The following IGF1R variants were observed in gnomAD, a reference collection of about 807,000 sequenced individuals.
The protein encoded by IGF1R is insulin-like growth factor 1 receptor.
Under a neutral mutation model 144.6 loss-of-function variants are expected in IGF1R, and 44 were observed. That is an observed-to-expected ratio of 0.30 (90% CI 0.24 to 0.39). IGF1R has a LOEUF of 0.39. IGF1R is among the 10% of genes least tolerant of loss of function. The pLI is 1.00. For missense variants in IGF1R, 1,355 were observed against 1,833.7 expected (o/e 0.74, Z 4.77); for synonymous variants, 795 against 722.8 (o/e 1.10, Z -1.60).
At position 98,703,884 on chromosome 15, in the gene IGF1R, C is replaced by T. The variant is rs143148389; in HGVS notation, c.95-3678C>T. ...AAATAACAAGTAAATAGATGCCTAACGCTTTATACAGGTTGAGCCTGTCTA... is the reference window on the plus strand; with the variant it reads ...AAATAACAAGTAAATAGATGCCTAATGCTTTATACAGGTTGAGCCTGTCTA... On this transcript the variant is annotated intron_variant, in intron 1 of 20. Coordinates refer to ENST00000650285, the MANE Select transcript of IGF1R (RefSeq NM_000875.5). Among the ~76,000 whole-genome samples, 136 of 152,292 alleles carry T rather than the reference C, an allele frequency of 8.9e-4. 1 individual carries two copies. The East Asian group carries it at 0.02, about 23-fold the overall frequency.
At chr15:98,810,150 C>A (rs527677931) in intron 2 of IGF1R, among the ~76,000 whole-genome samples, 1 of 47,442 alleles carries the variant, frequency 2.1e-5, no homozygotes, top group Non-Finnish European at 4.0e-5. Flanking sequence ...GGGTGGCTGG[C>A]GGAGGGGGTG....
At chr15:98,781,916 T>C (rs965461461) in intron 2 of IGF1R, among the ~76,000 whole-genome samples, 1 of 152,210 alleles carries the variant, frequency 6.6e-6, no homozygotes, top group African/African-American at 2.4e-5. Flanking sequence ...TCTTGAACTC[T>C]GAAATCCTCT....
intron 2 of IGF1R, among the ~76,000 whole-genome samples, chr15:98,746,590 A>ACT (rs2054872334): frequency 6.6e-6 from 1 of 152,198 alleles, no homozygotes; most frequent in African/African-American, 2.4e-5. Context: ...CATCTACACC[A>ACT]GTGGAGGCAA....
intron 2 of IGF1R, among the ~76,000 whole-genome samples, chr15:98,830,359 A>G (rs74034242): frequency 0.02 from 3,045 of 152,282 alleles, 123 homozygotes; most frequent in African/African-American, 0.07. Context: ...TCTGCCAGAC[A>G]CTGGCACTGG....
At position 98,957,003 on chromosome 15, in the gene IGF1R, C is replaced by T. The variant is rs1243254770; in HGVS notation, c.3723-58C>T. ...AAACCACTGCAGGCGGCCCATGAAG[C>T]CTCCTGGCCATGTGCGCCCTCCCGG... On this transcript the variant is annotated intron_variant, in intron 20 of 20. Coordinates refer to ENST00000650285, the MANE Select transcript of IGF1R (RefSeq NM_000875.5). 5 of 1,602,390 alleles carry T rather than the reference C, an allele frequency of 3.1e-6. No homozygotes were observed. The Admixed American group carries it at 5.0e-5, about 16-fold the overall frequency.
At chr15:98,722,536 C>T (rs1188191507) in intron 2 of IGF1R, among the ~76,000 whole-genome samples, 1 of 152,174 alleles carries the variant, frequency 6.6e-6, no homozygotes, top group Non-Finnish European at 1.5e-5. Context: ...CCCTCTGCCC[C>T]CCACCTCCAT....
intron 1 of IGF1R, among the ~76,000 whole-genome samples, chr15:98,702,650 C>A (rs1187029843): frequency 6.6e-6 from 1 of 152,186 alleles, no homozygotes; most frequent in East Asian, 1.9e-4. Flanking sequence ...TTTAAAATGG[C>A]ATCTTTTGGC....
At position 98,956,618 on chromosome 15, in the gene IGF1R, G is replaced by A. The variant is rs527957535; in HGVS notation, c.3723-443G>A. Among the ~76,000 whole-genome samples, 8 of 152,284 alleles carry A rather than the reference G, an allele frequency of 5.3e-5. No homozygotes were observed. The South Asian group carries it at 6.2e-4, about 12-fold the overall frequency. ...GAGAGAGCACTGTTGGGGAAGCTGC[G>A]GTCACTCATCAGCCTTCCTGGTGAG... is the stretch of plus-strand genomic sequence containing the variant. On this transcript the variant is annotated intron_variant, in intron 20 of 20. Transcript: ENST00000650285.
In IGF1R at chr15:98,791,899, G is replaced by C. The variant is rs74932372; in HGVS notation, c.640+83792G>C. ...GAAAGGGAAGAAATAGAAGAAGGAA[G>C]GAGAGAAGTTGGCAGAGGAGCAATC... On this transcript the variant is annotated intron_variant, in intron 2 of 20. Transcript: ENST00000650285. Among the ~76,000 whole-genome samples, 872 of 152,324 alleles carry C rather than the reference G, an allele frequency of 5.7e-3. 12 individuals carry two copies. The East Asian group carries it at 0.06, about 10-fold the overall frequency.
At chr15:98,863,023 G>C (rs983262052) in intron 2 of IGF1R, among the ~76,000 whole-genome samples, 2 of 152,072 alleles carry the variant, frequency 1.3e-5, no homozygotes, top group Admixed American at 1.3e-4. Flanking sequence ...TTTGGTTCCA[G>C]ATCCAAGAGA....
intron 2 of IGF1R, among the ~76,000 whole-genome samples, chr15:98,725,765 C>T (rs543659889): frequency 1.6e-4 from 25 of 152,214 alleles, no homozygotes; most frequent in Non-Finnish European, 3.4e-4. Flanking sequence ...ACTTACAATT[C>T]CACATGGCTG....
rs952541500 is a variant in IGF1R, at chr15:98,959,971, GTGTGTGTGTGTGTA to G, written c.*2536_*2549del. 2.6e-4 allele frequency: 3 copies of G among 11,508 alleles called. No individual in the cohort carries two copies. The highest frequency in any genetic ancestry group is 3.3e-4 in the African/African-American group (3 of 9,180). The allele number at this position is 11,508 out of a possible 1,614,324, so 0.7% of individuals were successfully genotyped here. A position where few individuals can be genotyped will look rare whatever the true frequency, so the allele number is the denominator to read the frequency against. On this transcript the variant is annotated 3_prime_UTR_variant, in exon 21 of 21. Transcript: ENST00000650285. ...TATGAATTTAAATTTCAAGGAAAGGGTGTGTGTGTGTGTATGTGTGGGGTGTGTGTGTGTGAGAG... is the reference window on the plus strand; with the variant it reads ...TATGAATTTAAATTTCAAGGAAAGGGTGTGTGGGGTGTGTGTGTGTGAGAG...
chr15:98,735,085 G>A (rs1056790103), intron 2 of IGF1R, among the ~76,000 whole-genome samples: 2 of 152,150 alleles, frequency 1.3e-5, no homozygotes, highest in Admixed American at 1.3e-4. Context: ...CACAAGTTCC[G>A]AAGCTGGGGA....
intron 2 of IGF1R, among the ~76,000 whole-genome samples, chr15:98,778,002 T>C (rs998508132): frequency 1.1e-4 from 16 of 152,228 alleles, no homozygotes; most frequent in African/African-American, 3.4e-4. Flanking sequence ...GTTAGATATT[T>C]ATTGAGCACC....
At chr15:98,784,141 A>T (rs2055930400) in intron 2 of IGF1R, among the ~76,000 whole-genome samples, 1 of 151,758 alleles carries the variant, frequency 6.6e-6, no homozygotes, top group African/African-American at 2.4e-5. Flanking sequence ...CACCCGGGTA[A>T]TTTTTGTATT....
At chr15:98,880,705 G>A (rs2013327313) in intron 2 of IGF1R, 1 of 152,176 alleles carries the variant, frequency 6.6e-6, no homozygotes, top group Non-Finnish European at 1.5e-5. Flanking sequence ...TGGTACCATA[G>A]ACAGTTTTCC....
intron 2 of IGF1R, among the ~76,000 whole-genome samples, chr15:98,716,225 TTGAG>T (rs1430564513): frequency 6.6e-6 from 1 of 152,132 alleles, no homozygotes; most frequent in Non-Finnish European, 1.5e-5. Flanking sequence ...AACTCTAAAA[TTGAG>T]TAAGTTACTG....
chr15:98,888,254 G>T (rs1231416186), intron 2 of IGF1R, among the ~76,000 whole-genome samples: 2 of 152,338 alleles, frequency 1.3e-5, no homozygotes, highest in Non-Finnish European at 2.9e-5. Flanking sequence ...ACATTAAATA[G>T]CTGCTAAATG....
chr15:98,868,680 C>G (rs1249226073), intron 2 of IGF1R, among the ~76,000 whole-genome samples: 1 of 152,204 alleles, frequency 6.6e-6, no homozygotes, highest in East Asian at 1.9e-4. Flanking sequence ...CACACACACT[C>G]TCTCTTTGTG....
Sources: gnomAD v4.1 joint callset for allele counts (sites outside exome capture counted in the v4.1 genomes callset) on GRCh38, gnomAD v4.1.1 for gene constraint, MANE v1.5 for transcripts, NCBI Gene and HGNC (gene_info 2026-07-23, HGNC 2026-07-21) for gene names.